ZNF454: variants seen among roughly 807,000 people sequenced by gnomAD.
The protein encoded by ZNF454 is zinc finger protein 454.
A neutral mutation model predicts 48.2 loss-of-function variants in ZNF454; 30 were observed. That is an observed-to-expected ratio of 0.62 (90% confidence interval 0.47 to 0.84). The LOEUF is 0.84. ZNF454 is among the 40% of genes least tolerant of loss of function. The pLI, the probability that ZNF454 is intolerant of heterozygous loss-of-function variation, is 0.00. For missense variants in ZNF454, 510 were observed against 623.1 expected (o/e 0.82, Z 1.93); for synonymous variants, 204 against 211.4 (o/e 0.97, Z 0.30).
chr5:178,986,092 C>T, the ZNF454 span: 5 of 1,589,662 alleles, frequency 3.1e-6, no homozygotes, highest in South Asian at 1.1e-5. Flanking sequence ...CGGACAGTCC[C>T]CCTCCCTGCC....
At chr5:178,983,960 G>A in the ZNF454 span, among the ~76,000 whole-genome samples, 5 of 152,246 alleles carry the variant, frequency 3.3e-5, no homozygotes, top group Non-Finnish European at 7.3e-5. Flanking sequence ...CTGCATGCCA[G>A]TGCCATGCCG....
At chr5:178,986,634 G>C in the ZNF454 span, 1 of 1,602,808 alleles carries the variant, frequency 6.2e-7, no homozygotes, top group Non-Finnish European at 8.5e-7. Context: ...CACAGGCCTC[G>C]CAGTGCCAAC....
chr5:178,986,661 C>T, the ZNF454 span: 7 of 1,602,894 alleles, frequency 4.4e-6, no homozygotes, highest in South Asian at 5.5e-5. Flanking sequence ...GGACGCCCTT[C>T]ACCATCTTCT....
In ZNF454 at chr5:178,946,973, A is replaced by C; in HGVS notation, c.237A>C (p.Gly79=). 1 of 1,613,982 alleles carries C rather than the reference A, an allele frequency of 6.2e-7. No individual in the cohort carries two copies. Residue 79 remains glycine, a synonymous_variant, in exon 4 of 5, where the codon GGA becomes GGC. Coordinates refer to ENST00000519564, the MANE Select transcript of ZNF454 (RefSeq NM_001178089.3). This position sits in a 1 kb window ranked among gnomAD's most constrained non-coding sequence, Gnocchi z 4.5. ...TGTGGATGCCAGAGGACACCCCTGG[A>C]GGCTTCTGTCTTGGTAAGAATCATG... ...REVWMPEDTP[G]GFCLDWMTMP...
chr5:178,976,210 C>A, the ZNF454 span: 1 of 397,842 alleles, frequency 2.5e-6, no homozygotes, highest in South Asian at 1.8e-5. Context: ...GCAGCCATCC[C>A]CCGCCAGCTG....
At chr5:178,960,973 C>A (rs2113266080) in intron 4 of ZNF454, among the ~76,000 whole-genome samples, 1 of 150,434 alleles carries the variant, frequency 6.6e-6, no homozygotes, top group African/African-American at 2.4e-5. Flanking sequence ...ACTCTGTCGC[C>A]AGGCTGGAGT....
At chr5:178,976,065 AAC>A in the ZNF454 span, 1 of 440,740 alleles carries the variant, frequency 2.3e-6, no homozygotes, top group Non-Finnish European at 4.6e-6. Context: ...TGGTCCCCAA[AAC>A]ACCAGGCCGA....
At chr5:178,968,066 C>T (rs1760191924), downstream of ZNF454, among the ~76,000 whole-genome samples, 1 of 150,734 alleles carries the variant, frequency 6.6e-6, no homozygotes, top group African/African-American at 2.4e-5. Flanking sequence ...TCCTTCAGTG[C>T]TTTCAGTAGA....
rs1429771979 is a variant in ZNF454, at chr5:178,941,863, G to A, written c.-108+419G>A. 6.6e-6 allele frequency among the ~76,000 whole-genome samples: 1 copy of A among 152,214 alleles called. No homozygotes were observed. Among genetic ancestry groups the A allele is most frequent in the African/African-American group, 2.4e-5 (1 of 41,466 alleles). ...GTGAGAACACTGAGGCCAGAGAAGG[G>A]TTTGCCTGAGAGGCTTCGACAGTGA... On this transcript the variant is annotated intron_variant, in intron 1 of 4. Coordinates refer to ENST00000519564, the MANE Select transcript of ZNF454 (RefSeq NM_001178089.3). The surrounding 1 kb of genome is among the most constrained non-coding windows in gnomAD (Gnocchi z 5.5).
At chr5:178,943,582 T>G (rs949547296) in intron 2 of ZNF454, among the ~76,000 whole-genome samples, 8 of 152,234 alleles carry the variant, frequency 5.3e-5, no homozygotes, top group Non-Finnish European at 2.9e-5. Context: ...AAGGGCATTG[T>G]AGGAACACTT....
chr5:178,956,703 A>G (rs1345647267), intron 4 of ZNF454, among the ~76,000 whole-genome samples: 1 of 147,042 alleles, frequency 6.8e-6, no homozygotes, highest in Non-Finnish European at 1.5e-5. Context: ...TTATTTATTT[A>G]TTTATTTATT....
the ZNF454 span, chr5:178,986,253 G>A: frequency 2.5e-6 from 4 of 1,614,070 alleles, no homozygotes; most frequent in African/African-American, 4.0e-5. Flanking sequence ...TGGTGAGCAG[G>A]GCAGAGTAGC....
the ZNF454 span, among the ~76,000 whole-genome samples, chr5:178,987,912 G>A: frequency 1.9e-3 from 3 of 1,578 alleles, no homozygotes; most frequent in African/African-American, 2.0e-3. Flanking sequence ...GGCACCCGTC[G>A]CCATGCCCAG....
chr5:178,943,303 A>C (rs1759184371), intron 2 of ZNF454, among the ~76,000 whole-genome samples: 1 of 152,182 alleles, frequency 6.6e-6, no homozygotes, highest in East Asian at 1.9e-4. Flanking sequence ...AAGGGGGAGC[A>C]GGTGTATCAC....
At chr5:178,964,601 A>G in intron 4 of ZNF454, 54 bp from the exon 5 acceptor site, 1 of 1,374,542 alleles carries the variant, frequency 7.3e-7, no homozygotes. Flanking sequence ...ATCTTGCCCC[A>G]TCCAAATGTT....
In ZNF454 at chr5:178,966,352, T is replaced by C. The variant is rs11741679; in HGVS notation, c.*379T>C. The C allele has an allele frequency of 0.39, 60,633 of 153,744 alleles. 12,094 individuals carry two copies. The highest frequency in any genetic ancestry group is 0.61 in the East Asian group (3,160 of 5,196). 9.5% of individuals were successfully genotyped at this position (153,744 alleles called of 1,614,324 possible). On this transcript the variant is annotated 3_prime_UTR_variant, in exon 5 of 5. Transcript: ENST00000519564. ...GGGAGGCTGAGGCAGGAGAATGGCA[T>C]GAACCCGGGAGGCAGAGGTTGCAGT... is the stretch of plus-strand genomic sequence containing the variant.
chr5:178,985,640 T>C, the ZNF454 span: 1,497 of 377,562 alleles, frequency 4.0e-3, 10 homozygotes, highest in Non-Finnish European at 4.8e-3. Flanking sequence ...AAGGCAGAGC[T>C]TGCAGGGAGC....
chr5:178,959,766 T>C (rs1191914451), intron 4 of ZNF454, among the ~76,000 whole-genome samples: 2 of 151,758 alleles, frequency 1.3e-5, no homozygotes, highest in African/African-American at 2.4e-5. Flanking sequence ...CCACCACGCC[T>C]GGCTAATTTT....
intron 4 of ZNF454, among the ~76,000 whole-genome samples, chr5:178,958,916 A>G (rs554094043): frequency 1.0e-3 from 153 of 152,322 alleles, no homozygotes; most frequent in African/African-American, 3.6e-3. Context: ...TTTGAAATGC[A>G]GAATCTTGTC....
Sources: gnomAD v4.1 joint callset for allele counts (sites outside exome capture counted in the v4.1 genomes callset) on GRCh38, gnomAD v4.1.1 for gene constraint, Gnocchi (gnomAD v3.1) non-coding constraint, MANE v1.5 for transcripts, NCBI Gene and HGNC (gene_info 2026-07-23, HGNC 2026-07-21) for gene names.